Variants in DCAKD observed in about 807,000 individuals in gnomAD.
DCAKD encodes the protein dephospho-CoA kinase domain containing.
A neutral mutation model predicts 18.7 loss-of-function variants in DCAKD; 15 were observed. That is an observed-to-expected ratio of 0.80 (90% confidence interval 0.54 to 1.24). The LOEUF (loss-of-function observed/expected upper bound fraction) is 1.24. Among genes scored for constraint, DCAKD ranks in the 50% most tolerant of loss-of-function variants. The pLI, the probability that DCAKD is intolerant of heterozygous loss-of-function variation, is 0.00. For synonymous variants in DCAKD, 130 were observed against 133.0 expected (o/e 0.98, Z 0.16); for missense variants, 301 against 322.0 (o/e 0.93, Z 0.50).
intron 1 of DCAKD, among the ~76,000 whole-genome samples, chr17:45,045,828 TTTTG>T (rs1298641031): frequency 1.3e-5 from 2 of 152,120 alleles, no homozygotes; most frequent in African/African-American, 2.4e-5. Flanking sequence ...CATTAACTTT[TTTTG>T]TTTTTGTTTT....
chr17:45,060,885 T>TAA (rs2053843245), intron 1 of DCAKD: 1 of 385,712 alleles, frequency 2.6e-6, no homozygotes, highest in Non-Finnish European at 3.6e-6. Flanking sequence ...CCCTTTCACT[T>TAA]ACCCGGGAAA....
chr17:45,034,103 T>G, intron 3 of DCAKD, 84 bp downstream of exon 3: 1 of 1,605,288 alleles, frequency 6.2e-7, no homozygotes, highest in South Asian at 1.1e-5. Flanking sequence ...CCAGCTCCCC[T>G]ACCCTGGCCA....
chr17:45,044,410 G>A (rs1163628397), intron 1 of DCAKD, among the ~76,000 whole-genome samples: 1 of 152,210 alleles, frequency 6.6e-6, no homozygotes, highest in South Asian at 2.1e-4. Flanking sequence ...TGTGGCAAGC[G>A]GATGGGTGCG....
In DCAKD at chr17:45,051,400, ACTCAGGCTTTCAAAAGAGGCCCGTACGC is replaced by A. The variant is rs1211062776; in HGVS notation, c.-182_-155del. The A allele has an allele frequency of 1.3e-5, 2 of 152,082 alleles. No individual in the cohort carries two copies. Among genetic ancestry groups the A allele is most frequent in the African/African-American group, 2.4e-5 (1 of 41,436 alleles). 9.4% of individuals were successfully genotyped at this position (152,082 alleles called of 1,614,324 possible). A position where few individuals can be genotyped will look rare whatever the true frequency, so the allele number is the denominator to read the frequency against. On this transcript the variant is annotated 5_prime_UTR_variant, in exon 1 of 5. Coordinates refer to ENST00000651974, the MANE Select transcript of DCAKD (RefSeq NM_001288655.2). ...CATACGACGCGCTCAATACATCGTA[ACTCAGGCTTTCAAAAGAGGCCCGTACGC>A]CCCACTAGGCCGCGAAATTGGGTCG...
chr17:45,026,396 T>A (rs1421699417), intron 4 of DCAKD, among the ~76,000 whole-genome samples: 1 of 151,568 alleles, frequency 6.6e-6, no homozygotes, highest in African/African-American at 2.4e-5. Flanking sequence ...CCTGGCTAAT[T>A]TTTTGATTTT....
intron 3 of DCAKD, chr17:45,030,909 A>G (rs1345273692): frequency 4.3e-6 from 4 of 935,058 alleles, no homozygotes; most frequent in African/African-American, 1.8e-5. Context: ...TCCCACCACA[A>G]GCCAAGGCCA....
chr17:45,037,857 C>A (rs1206020405), intron 1 of DCAKD, among the ~76,000 whole-genome samples: 6 of 150,762 alleles, frequency 4.0e-5, no homozygotes, highest in Non-Finnish European at 7.4e-5. Context: ...AGCTCTGCCT[C>A]CCGGGTTCAC....
chr17:45,034,266 C>A lies in DCAKD; in HGVS notation c.237G>T (p.Arg79=), dbSNP rs1223511928. Residue 79 remains arginine (R), a synonymous_variant, in exon 3 of 5, where the codon CGG becomes CGT. Coordinates refer to ENST00000651974, the MANE Select transcript of DCAKD (RefSeq NM_001288655.2). ...LGDLIFNQPD[R]RQLLNAITHP... ...GGGTGATGGCGTTGAGCAGCTGCCG[C>A]CGGTCAGGCTGGTTAAAGATCAGGT... The A allele has an allele frequency of 3.1e-6, 5 of 1,614,206 alleles. No individual in the cohort carries two copies. The Admixed American group carries it at 5.0e-5, about 16-fold the overall frequency.
intron 1 of DCAKD, among the ~76,000 whole-genome samples, chr17:45,040,361 T>G (rs1597965356): frequency 7.9e-6 from 1 of 126,844 alleles, no homozygotes; most frequent in Admixed American, 9.8e-5. Flanking sequence ...CACTCCAGCC[T>G]GGGCAACAAG....
At chr17:45,042,301 A>G (rs1190871987) in intron 1 of DCAKD, among the ~76,000 whole-genome samples, 3 of 151,982 alleles carry the variant, frequency 2.0e-5, no homozygotes, top group Admixed American at 2.0e-4. Context: ...ATTTCTGTTC[A>G]TGTGACTTTT....
At chr17:45,056,488 T>C (rs77050068), upstream of DCAKD, among the ~76,000 whole-genome samples, 609 of 152,054 alleles carry the variant, frequency 4.0e-3, 2 homozygotes, top group African/African-American at 0.014. Flanking sequence ...ATTTTTTTTT[T>C]CCCAAGACAG....
intron 1 of DCAKD, among the ~76,000 whole-genome samples, chr17:45,044,530 A>G (rs1458232338): frequency 3.3e-5 from 5 of 152,054 alleles, no homozygotes; most frequent in African/African-American, 1.2e-4. Context: ...TGTCTCTACT[A>G]AAAATACAAA....
chr17:45,045,211 C>G (rs890692058), intron 1 of DCAKD, among the ~76,000 whole-genome samples: 1 of 152,124 alleles, frequency 6.6e-6, no homozygotes, highest in Non-Finnish European at 1.5e-5. Flanking sequence ...AGGACACGGA[C>G]AGAAAGCAGG....
chr17:45,055,373 T>TATTC (rs1403582155), upstream of DCAKD, among the ~76,000 whole-genome samples: 1 of 151,952 alleles, frequency 6.6e-6, no homozygotes. Flanking sequence ...TTTATTTATT[T>TATTC]ATTTATTTAT....
chr17:45,054,282 C>G (rs2053757361), upstream of DCAKD, among the ~76,000 whole-genome samples: 1 of 151,100 alleles, frequency 6.6e-6, no homozygotes, highest in Non-Finnish European at 1.5e-5. Flanking sequence ...GAGTCTGGCT[C>G]TGTTGCCTAG....
intron 1 of DCAKD, among the ~76,000 whole-genome samples, chr17:45,058,933 C>T (rs1019660120): frequency 6.6e-6 from 1 of 152,014 alleles, no homozygotes; most frequent in African/African-American, 2.4e-5. Flanking sequence ...ATGCTTATGC[C>T]ATTGATATAA....
At chr17:45,053,190 A>AC (rs1199646735), upstream of DCAKD, among the ~76,000 whole-genome samples, 5 of 147,822 alleles carry the variant, frequency 3.4e-5, no homozygotes, top group South Asian at 2.1e-4. Flanking sequence ...AAAAAAAAAA[A>AC]AAAAAACTAG....
chr17:45,032,512 C>T (rs549741379), intron 3 of DCAKD, among the ~76,000 whole-genome samples: 1 of 152,192 alleles, frequency 6.6e-6, no homozygotes, highest in African/African-American at 2.4e-5. Context: ...CAGCCAGGCA[C>T]AGTGGCTCAC....
chr17:45,026,551 C>T (rs1261360144), intron 4 of DCAKD: 11 of 931,272 alleles, frequency 1.2e-5, no homozygotes, highest in South Asian at 9.9e-5. Context: ...AATATAGAGA[C>T]GAGGTCTTGC....
Sources: gnomAD v4.1 joint callset for allele counts (sites outside exome capture counted in the v4.1 genomes callset) on GRCh38, gnomAD v4.1.1 for gene constraint, MANE v1.5 for transcripts, NCBI Gene and HGNC (gene_info 2026-07-23, HGNC 2026-07-21) for gene names.